The following MVB12A variants were observed in gnomAD, a reference collection of about 807,000 sequenced individuals.
MVB12A encodes the protein CIN85/CD2AP family binding protein.
Under a neutral mutation model 34.3 loss-of-function variants are expected in MVB12A, and 30 were observed. The ratio of observed to expected loss-of-function variants is 0.88; its 90% confidence interval spans 0.65 to 1.19. MVB12A has a LOEUF of 1.19. Among genes scored for constraint, MVB12A ranks in the 50% most tolerant of loss-of-function variants. The probability of loss-of-function intolerance (pLI) is 0.00; values close to 1 mark genes in which losing one functional copy is unlikely to be tolerated. For missense variants in MVB12A, 355 were observed against 369.2 expected, an observed-to-expected ratio of 0.96 and a Z score of 0.31; for synonymous variants, 158 against 158.9, an observed-to-expected ratio of 0.99 and a Z score of 0.04.
intron 2 of MVB12A, among the ~76,000 whole-genome samples, chr19:17,406,536 T>C (rs1044007269): frequency 3.3e-5 from 5 of 152,064 alleles, no homozygotes; most frequent in African/African-American, 1.2e-4. Context: ...TTTTTTTTCT[T>C]TTCAGCAGGG....
Position 17,423,795 on chromosome 19 carries a change from C to A in MVB12A, c.636C>A (p.Ile212=). The A allele has an allele frequency of 6.2e-7, 1 of 1,613,808 alleles. No homozygotes were observed. Among genetic ancestry groups the A allele is most frequent in the South Asian group, 1.1e-5 (1 of 91,082 alleles). ...ACGAGGCCTCCAGCCTCTATGGCAT[C>A]TCAGGTGAGCACAGAGTGGGGAAAC... is the stretch of plus-strand genomic sequence containing the variant. ...SIYEASSLYG[I]SAMDGVPFTL... Residue 212 remains isoleucine, a synonymous_variant, in exon 6 of 9, where the codon ATC becomes ATA. Transcript: ENST00000317040.
intron 2 of MVB12A, among the ~76,000 whole-genome samples, chr19:17,412,091 C>A (rs935454497): frequency 2.6e-5 from 4 of 152,126 alleles, no homozygotes; most frequent in African/African-American, 9.7e-5. Flanking sequence ...ACAGGACGGC[C>A]CCCCACAGTA....
intron 2 of MVB12A, chr19:17,406,436 C>G (rs113407320): frequency 1.3e-5 from 2 of 152,348 alleles, no homozygotes; most frequent in African/African-American, 2.4e-5. Flanking sequence ...TGGGCATGAC[C>G]GCTGAAAGGG....
chr19:17,416,230 TGCCACTGAGTAGCTGGGATTACAGGC>T (rs1280085177), upstream of MVB12A, among the ~76,000 whole-genome samples: 6 of 79,148 alleles, frequency 7.6e-5, no homozygotes, highest in African/African-American at 5.8e-4. Flanking sequence ...TACAGGCGCA[TGCCACTGAGTAGCTGGGATTACAGGC>T]GCATGCCACC....
chr19:17,411,731 T>C (rs1428465441), intron 2 of MVB12A, among the ~76,000 whole-genome samples: 3 of 151,478 alleles, frequency 2.0e-5, no homozygotes, highest in African/African-American at 7.3e-5. Context: ...CCTGGGCTCA[T>C]GTCATCCTCC....
chr19:17,412,819 T>C (rs2074777170), intron 2 of MVB12A, among the ~76,000 whole-genome samples: 2 of 152,226 alleles, frequency 1.3e-5, no homozygotes, highest in Non-Finnish European at 2.9e-5. Flanking sequence ...TGCAGCTGTC[T>C]CAGGGTCTGG....
chr19:17,424,874 C>T, intron 8 of MVB12A, 57 bp from the exon 9 acceptor site: 6 of 1,359,720 alleles, frequency 4.4e-6, no homozygotes, highest in Admixed American at 3.7e-5. Context: ...AGTCACTCCC[C>T]CTTTGGCCCT....
chr19:17,413,021 G>T (rs1227436055), intron 2 of MVB12A: 1 of 151,892 alleles, frequency 6.6e-6, no homozygotes, highest in Non-Finnish European at 1.5e-5. Context: ...AGTAAGCAAA[G>T]AATTTACGTA....
chr19:17,422,356 G>A lies in MVB12A; in HGVS notation c.311G>A (p.Arg104His), dbSNP rs148387816. ...DSKASVSKKK[R>H]MCVKLLPLGA... Reference sequence around the variant, plus strand: ...GAGGCCTCTGTGTCCAAGAAGAAACGCATGTGTGTGAAGCTGTTGCCCCTG... The same window carrying A: ...GAGGCCTCTGTGTCCAAGAAGAAACACATGTGTGTGAAGCTGTTGCCCCTG... Residue 104 changes from arginine (R) to histidine (H), a missense_variant, in exon 4 of 9, where the codon CGC becomes CAC. By Grantham distance (29) the Arg-to-His change is conservative. Transcript: ENST00000317040. The A allele has an allele frequency of 4.7e-5, 76 of 1,612,708 alleles. 1 individual carries two copies. The highest frequency in any genetic ancestry group is 9.9e-5 in the South Asian group (9 of 90,936).
chr19:17,425,199 C>T lies in MVB12A; in HGVS notation c.*206C>T, dbSNP rs368363448. 1.8e-4 allele frequency: 94 copies of T among 531,714 alleles called. No individual in the cohort carries two copies. Among genetic ancestry groups the T allele is most frequent in the East Asian group, 1.3e-4 (4 of 30,250 alleles). 32.9% of individuals were successfully genotyped at this position (531,714 alleles called of 1,614,324 possible). ...CGAGGCTGCGTGGTGATGGGGTCTCCGCCCCCACGCCCTGCCGGGCAGGGC... is the reference window on the plus strand; with the variant it reads ...CGAGGCTGCGTGGTGATGGGGTCTCTGCCCCCACGCCCTGCCGGGCAGGGC... On this transcript the variant is annotated 3_prime_UTR_variant, in exon 9 of 9. Coordinates refer to ENST00000317040, the MANE Select transcript of MVB12A (RefSeq NM_138401.4).
chr19:17,420,700 C>T, intron 3 of MVB12A, 66 bp downstream of exon 3: 11 of 1,177,860 alleles, frequency 9.3e-6, no homozygotes, highest in Non-Finnish European at 1.3e-5. Context: ...GGAGGAGGGA[C>T]GACGGGCGCG....
intron 7 of MVB12A, 149 bp from the exon 8 acceptor site, chr19:17,424,471 CA>C (rs2074857630): frequency 1.1e-6 from 1 of 871,430 alleles, no homozygotes; most frequent in Non-Finnish European, 1.8e-6. Flanking sequence ...TCTCTAAAAA[CA>C]AAACAAAACA....
At chr19:17,405,988 G>GTTGCACA (rs2074725513) in intron 1 of MVB12A, 1 of 159,036 alleles carries the variant, frequency 6.3e-6, no homozygotes, top group African/African-American at 2.4e-5. Context: ...GGAAACTGAG[G>GTTGCACA]TTGCACAGTT....
chr19:17,424,689 G>T lies in MVB12A; in HGVS notation c.759+12G>T. On this transcript the variant is annotated intron_variant, in intron 8 of 8. Transcript: ENST00000317040. ...ACATTGAGGAGGAGGTGGGTGCAGG[G>T]CTAGGGAGGAGGTGGGTGCAGGGCT... 1 of 1,602,542 alleles carries T rather than the reference G, an allele frequency of 6.2e-7. No homozygotes were observed. Among genetic ancestry groups the T allele is most frequent in the East Asian group, 2.2e-5 (1 of 44,562 alleles).
upstream of MVB12A, chr19:17,415,881 A>T (rs2074796928): frequency 1.3e-5 from 2 of 152,352 alleles, no homozygotes; most frequent in African/African-American, 4.8e-5. Flanking sequence ...ACAAAACAAA[A>T]CAAAAGAACC....
upstream of MVB12A, chr19:17,420,016 C>CGGGGGGGGGGGGGG: frequency 6.9e-6 from 2 of 290,406 alleles, no homozygotes; most frequent in East Asian, 8.0e-5. Flanking sequence ...GCAATCTCCG[C>CGGGGGGGGGGGGGG]CCCCCCCCCC....
At chr19:17,410,494 CTTCATATATA>C (rs1156976852) in intron 2 of MVB12A, among the ~76,000 whole-genome samples, 178 of 14,320 alleles carry the variant, frequency 0.012, 4 homozygotes, top group African/African-American at 0.049. Flanking sequence ...TTGGTTTTAG[CTTCATATATA>C]TATATATATA....
upstream of MVB12A, chr19:17,420,027 C>CCCCCTGG: frequency 2.0e-6 from 1 of 504,516 alleles, no homozygotes; most frequent in African/African-American, 2.1e-5. Flanking sequence ...CCCCCCCCCC[C>CCCCCTGG]GCATGGCCTT....
chr19:17,421,133 AT>A (rs1794591944), intron 3 of MVB12A: 1 of 441,266 alleles, frequency 2.3e-6, no homozygotes. Context: ...CTTTCTTGTC[AT>A]TTTTATTTGA....
Sources: gnomAD v4.1 joint callset for allele counts (sites outside exome capture counted in the v4.1 genomes callset) on GRCh38, gnomAD v4.1.1 for gene constraint, MANE v1.5 for transcripts, NCBI Gene and HGNC (gene_info 2026-07-23, HGNC 2026-07-21) for gene names.